DSCAM: variants seen among roughly 807,000 people sequenced by gnomAD.
DSCAM encodes the protein cell adhesion molecule DSCAM.
A neutral mutation model predicts 217.7 loss-of-function variants in DSCAM; 47 were observed. The ratio of observed to expected loss-of-function variants is 0.22; its 90% CI spans 0.17 to 0.28. The LOEUF is 0.28. DSCAM is among the 10% of genes least tolerant of loss of function. DSCAM has a pLI of 1.00. For missense variants in DSCAM, 2,080 were observed against 2,618.3 expected (o/e 0.79, Z 4.49); for synonymous variants, 1,056 against 1,015.3 (o/e 1.04, Z -0.76).
chr21:40,805,955 G>T (rs1413517999), intron 1 of DSCAM, among the ~76,000 whole-genome samples: 1 of 151,978 alleles, frequency 6.6e-6, no homozygotes, highest in African/African-American at 2.4e-5. Context: ...TGATCTGCCC[G>T]CCTCGGCCTC....
At chr21:40,779,032 GAAAAAA>G (rs772208075) in intron 1 of DSCAM, among the ~76,000 whole-genome samples, 5 of 45,550 alleles carry the variant, frequency 1.1e-4, no homozygotes, top group Non-Finnish European at 2.0e-4. Flanking sequence ...CTCAAAAACA[GAAAAAA>G]AAAAAAAAAA....
intron 3 of DSCAM, among the ~76,000 whole-genome samples, chr21:40,525,009 CAAA>C (rs58427418): frequency 2.5e-4 from 14 of 56,100 alleles, no homozygotes; most frequent in East Asian, 1.1e-3. Flanking sequence ...GACTCAGTCT[CAAA>C]AAAAAAAAAA....
At chr21:40,096,929 T>C (rs530619420) in intron 20 of DSCAM, among the ~76,000 whole-genome samples, 1 of 152,298 alleles carries the variant, frequency 6.6e-6, no homozygotes, top group East Asian at 1.9e-4. Context: ...TAGAATTCTA[T>C]ATTCAACAAA....
At chr21:40,600,087 C>T (rs1476730020) in intron 3 of DSCAM, among the ~76,000 whole-genome samples, 1 of 152,208 alleles carries the variant, frequency 6.6e-6, no homozygotes, top group Non-Finnish European at 1.5e-5. Context: ...GGAGGGACTC[C>T]TCCCTAACTC....
chr21:40,591,006 C>T (rs2076980184), intron 3 of DSCAM, among the ~76,000 whole-genome samples: 1 of 152,192 alleles, frequency 6.6e-6, no homozygotes, highest in African/African-American at 2.4e-5. Flanking sequence ...CCATAATCCC[C>T]ATGTGTCAAG....
intron 3 of DSCAM, among the ~76,000 whole-genome samples, chr21:40,668,726 A>G (rs1157686795): frequency 6.6e-6 from 1 of 152,216 alleles, no homozygotes; most frequent in Non-Finnish European, 1.5e-5. Context: ...TTGAATTAAT[A>G]GATTGTATTA....
chr21:40,668,094 T>C (rs1198202824), intron 3 of DSCAM, among the ~76,000 whole-genome samples: 2 of 152,200 alleles, frequency 1.3e-5, no homozygotes, highest in Non-Finnish European at 1.5e-5. Flanking sequence ...CAAATACAGT[T>C]GCTAGAGCTC....
intron 3 of DSCAM, among the ~76,000 whole-genome samples, chr21:40,417,576 ATGTATATGTC>A (rs2123810183): frequency 6.6e-6 from 1 of 152,312 alleles, no homozygotes; most frequent in Admixed American, 6.5e-5. Flanking sequence ...ATACAGAGCC[ATGTATATGTC>A]CATATTAGAC....
chr21:40,617,377 G>A (rs1049177795), intron 3 of DSCAM, among the ~76,000 whole-genome samples: 1 of 152,048 alleles, frequency 6.6e-6, no homozygotes, highest in Non-Finnish European at 1.5e-5. Context: ...ACCCGCCTCG[G>A]CCTCCCGAAG....
At chr21:40,507,356 C>T (rs2076218065) in intron 3 of DSCAM, among the ~76,000 whole-genome samples, 1 of 152,102 alleles carries the variant, frequency 6.6e-6, no homozygotes, top group South Asian at 2.1e-4. Flanking sequence ...GAAAATAGTC[C>T]TATGCATCAT....
intron 4 of DSCAM, among the ~76,000 whole-genome samples, chr21:40,367,817 A>G (rs1321275585): frequency 6.6e-6 from 1 of 152,246 alleles, no homozygotes; most frequent in African/African-American, 2.4e-5. Context: ...CCCTGGCTGG[A>G]TTATACATTG....
At chr21:40,466,202 G>A (rs979431075) in intron 3 of DSCAM, among the ~76,000 whole-genome samples, 7 of 152,130 alleles carry the variant, frequency 4.6e-5, no homozygotes, top group African/African-American at 1.4e-4. Flanking sequence ...GAAGTAAGGC[G>A]GCATGCAGCT....
intron 26 of DSCAM, among the ~76,000 whole-genome samples, chr21:40,075,760 A>G (rs141036028): frequency 6.6e-6 from 1 of 152,350 alleles, no homozygotes; most frequent in African/African-American, 2.4e-5. Context: ...GTTTGAGGGT[A>G]CAAGAGCTAC....
intron 10 of DSCAM, among the ~76,000 whole-genome samples, chr21:40,294,506 A>G (rs1214334771): frequency 6.6e-6 from 1 of 152,232 alleles, no homozygotes; most frequent in African/African-American, 2.4e-5. Context: ...AGTACAGAGT[A>G]AGAGCCTTGT....
In DSCAM at chr21:40,189,107, G is replaced by C; in HGVS notation, c.2488C>G (p.Pro830Ala). ...GACACAAGATAACGGGCCATCTCAGGGTTAATGATTCGGTCCTCCTTCTCC... is the reference window on the plus strand; with the variant it reads ...GACACAAGATAACGGGCCATCTCAGCGTTAATGATTCGGTCCTCCTTCTCC... Reference protein sequence around the residue: ...RWEKEDRIINPEMARYLVSTK... With the variant: ...RWEKEDRIINAEMARYLVSTK... Residue 830 changes from proline (P) to alanine (A), a missense_variant, in exon 12 of 33, where the codon CCT becomes GCT. Physicochemically the swap from Pro to Ala is conservative, Grantham distance 27. Transcript: ENST00000400454. 1 of 1,614,116 alleles carries C rather than the reference G, an allele frequency of 6.2e-7. No homozygotes were observed. Among genetic ancestry groups the C allele is most frequent in the Non-Finnish European group, 8.5e-7 (1 of 1,180,020 alleles).
At chr21:40,610,984 AC>A (rs1352582267) in intron 3 of DSCAM, among the ~76,000 whole-genome samples, 14 of 152,132 alleles carry the variant, frequency 9.2e-5, no homozygotes, top group African/African-American at 3.4e-4. Context: ...ATAAATGTGA[AC>A]TGCATATGTG....
At chr21:40,721,551 G>C (rs186559726) in intron 1 of DSCAM, among the ~76,000 whole-genome samples, 54 of 152,126 alleles carry the variant, frequency 3.5e-4, no homozygotes, top group Non-Finnish European at 4.1e-4. Context: ...AGACAAATAG[G>C]ATTAATGGCA....
rs181323980 is a variant in DSCAM at position 40,485,534 on chromosome 21, G to A, written c.509-116289C>T. On this transcript the variant is annotated intron_variant, in intron 3 of 32. Transcript: ENST00000400454. ...TGGGATTACAGGCGTGAGCCACCGCGCCCGGCCCACACTGACTTTCTACCA... is the reference window on the plus strand; with the variant it reads ...TGGGATTACAGGCGTGAGCCACCGCACCCGGCCCACACTGACTTTCTACCA... Among the ~76,000 whole-genome samples, 260 of 152,060 alleles carry A rather than the reference G, an allele frequency of 1.7e-3. 1 individual carries two copies. Among genetic ancestry groups the A allele is most frequent in the Non-Finnish European group, 2.8e-3 (192 of 67,990 alleles).
chr21:40,622,274 G>A (rs1369903125), intron 3 of DSCAM, among the ~76,000 whole-genome samples: 1 of 71,932 alleles, frequency 1.4e-5, no homozygotes, highest in African/African-American at 3.4e-5. Context: ...CCGCCCCACT[G>A]TTGGAGGTGT....
Sources: gnomAD v4.1 joint callset for allele counts (sites outside exome capture counted in the v4.1 genomes callset) on GRCh38, gnomAD v4.1.1 for gene constraint, MANE v1.5 for transcripts, NCBI Gene and HGNC (gene_info 2026-07-23, HGNC 2026-07-21) for gene names.